Variants in EFCAB6 observed in about 807,000 individuals in gnomAD.
EFCAB6 encodes EF-hand calcium-binding domain-containing protein 6.
Under a neutral mutation model 169.8 loss-of-function variants are expected in EFCAB6, and 156 were observed. That is an observed-to-expected ratio of 0.92 (90% CI 0.81 to 1.05). The LOEUF (loss-of-function observed/expected upper bound fraction) is 1.05. Ranked by LOEUF, EFCAB6 falls within the 50% of genes least tolerant of loss-of-function variation. The pLI is 0.00. For missense variants in EFCAB6, 1,800 were observed against 1,829.1 expected, an observed-to-expected ratio of 0.98 and a Z score of 0.29; for synonymous variants, 698 against 676.4, an observed-to-expected ratio of 1.03 and a Z score of -0.50.
At chr22:43,544,299 C>T (rs1411371876) in intron 27 of EFCAB6, among the ~76,000 whole-genome samples, 1 of 152,194 alleles carries the variant, frequency 6.6e-6, no homozygotes, top group Non-Finnish European at 1.5e-5. Flanking sequence ...ATTGACTGCA[C>T]CTATGCTCCC....
At chr22:43,677,344 C>T (rs754662920) in intron 13 of EFCAB6, among the ~76,000 whole-genome samples, 1 of 152,128 alleles carries the variant, frequency 6.6e-6, no homozygotes. Context: ...CTCACAAATA[C>T]TCCTTTCAAA....
chr22:43,562,183 T>C (rs1236370486), intron 26 of EFCAB6, among the ~76,000 whole-genome samples: 1 of 152,230 alleles, frequency 6.6e-6, no homozygotes, highest in Non-Finnish European at 1.5e-5. Context: ...TCATGGGACC[T>C]TGTTTGAGCA....
chr22:43,741,800 G>A (rs561597235), intron 6 of EFCAB6, among the ~76,000 whole-genome samples: 1 of 152,198 alleles, frequency 6.6e-6, no homozygotes, highest in East Asian at 1.9e-4. Flanking sequence ...CCTCCATCCA[G>A]CCACGGGCAG....
At chr22:43,615,772 T>C in intron 21 of EFCAB6, 54 bp downstream of exon 21, 2 of 1,495,146 alleles carry the variant, frequency 1.3e-6, no homozygotes, top group Admixed American at 3.6e-5. Context: ...CCCAGTGATC[T>C]TGAAACATTG....
At position 43,667,261 on chromosome 22, in the gene EFCAB6, G is replaced by T; in HGVS notation, c.1826C>A (p.Thr609Lys). The T allele has an allele frequency of 6.2e-7, 1 of 1,613,170 alleles. No homozygotes were observed. Among genetic ancestry groups the T allele is most frequent in the South Asian group, 1.1e-5 (1 of 90,932 alleles). The change falls in exon 17 of 32, where the codon ACG becomes AAG. Residue 609 changes from threonine (T) to lysine (K), a missense_variant. Coordinates refer to ENST00000262726, the MANE Select transcript of EFCAB6 (RefSeq NM_022785.4). The part of the protein sequence containing the change: ...QPDLSERTKL[T>K]EDKTTLTKKM... ...CTTGGTCAGGGTGGTTTTATCCTCCGTGAGCTTGGTTCTAAAATCACAAGC... is the reference window on the plus strand; with the variant it reads ...CTTGGTCAGGGTGGTTTTATCCTCCTTGAGCTTGGTTCTAAAATCACAAGC...
chr22:43,596,735 A>T (rs1377279582), intron 23 of EFCAB6, among the ~76,000 whole-genome samples: 1 of 152,214 alleles, frequency 6.6e-6, no homozygotes, highest in Non-Finnish European at 1.5e-5. Context: ...TTCTTCACAG[A>T]AATAGAAAAA....
intron 22 of EFCAB6, among the ~76,000 whole-genome samples, chr22:43,605,241 C>A (rs2052826960): frequency 6.6e-6 from 1 of 152,196 alleles, no homozygotes; most frequent in Non-Finnish European, 1.5e-5. Flanking sequence ...GTAGGCCAAG[C>A]TAACTATGGG....
chr22:43,709,504 T>G (rs1325438433), intron 10 of EFCAB6, among the ~76,000 whole-genome samples: 4 of 152,156 alleles, frequency 2.6e-5, no homozygotes, highest in African/African-American at 9.7e-5. Flanking sequence ...GAAGCCAACA[T>G]GAAAAATGTC....
In EFCAB6 at chr22:43,751,908, G is replaced by A. The variant is rs76851505; in HGVS notation, c.507+3858C>T. ...CATGGGGTTCACCTGGGAATTAAATGCCTTAATGCGATAAAGCACTTAGAA... is the reference window on the plus strand; with the variant it reads ...CATGGGGTTCACCTGGGAATTAAATACCTTAATGCGATAAAGCACTTAGAA... On this transcript the variant is annotated intron_variant, in intron 6 of 31. Coordinates refer to ENST00000262726, the MANE Select transcript of EFCAB6 (RefSeq NM_022785.4). Among the ~76,000 whole-genome samples, 1,066 of 152,268 alleles carry A rather than the reference G, an allele frequency of 7.0e-3. 8 individuals are homozygous for A. The highest frequency in any genetic ancestry group is 8.6e-3 in the Non-Finnish European group (588 of 68,034).
chr22:43,734,981 G>A (rs2147659313), intron 7 of EFCAB6, among the ~76,000 whole-genome samples: 1 of 152,280 alleles, frequency 6.6e-6, no homozygotes, highest in Non-Finnish European at 1.5e-5. Flanking sequence ...TGGGCTCCGG[G>A]TGAAATGAGG....
chr22:43,596,780 C>T (rs2147479876), intron 23 of EFCAB6, among the ~76,000 whole-genome samples: 1 of 152,130 alleles, frequency 6.6e-6, no homozygotes, highest in East Asian at 1.9e-4. Context: ...CACAAAAGAC[C>T]CCAAATAGCT....
At chr22:43,718,832 T>C (rs2059423770) in intron 8 of EFCAB6, among the ~76,000 whole-genome samples, 1 of 152,116 alleles carries the variant, frequency 6.6e-6, no homozygotes, top group Non-Finnish European at 1.5e-5. Context: ...TGGTCTGGAA[T>C]TCTACAGCCA....
intron 6 of EFCAB6, 43 bp from the exon 7 acceptor site, chr22:43,736,036 G>A: frequency 6.5e-7 from 1 of 1,530,686 alleles, no homozygotes; most frequent in Non-Finnish European, 8.8e-7. Flanking sequence ...AAGATCTAGT[G>A]TTAGGAACCA....
At chr22:43,680,325 TCA>T (rs1003895459) in intron 12 of EFCAB6, among the ~76,000 whole-genome samples, 1 of 152,230 alleles carries the variant, frequency 6.6e-6, no homozygotes, top group Admixed American at 6.5e-5. Flanking sequence ...CAAACCAGTA[TCA>T]CACAGTCTTT....
chr22:43,664,834 C>T (rs1255684991), intron 17 of EFCAB6, among the ~76,000 whole-genome samples: 5 of 152,052 alleles, frequency 3.3e-5, no homozygotes, highest in Admixed American at 1.3e-4. Context: ...GAGGAGCCCT[C>T]GGTGGGTTCC....
intron 10 of EFCAB6, among the ~76,000 whole-genome samples, chr22:43,700,383 A>C (rs1230185899): frequency 6.6e-6 from 1 of 152,222 alleles, no homozygotes; most frequent in Non-Finnish European, 1.5e-5. Flanking sequence ...TTTGTTAGGC[A>C]TAAGATTTTA....
chr22:43,530,662 G>C (rs539587665), intron 31 of EFCAB6, 153 bp downstream of exon 31: 1 of 985,316 alleles, frequency 1.0e-6, no homozygotes, highest in Admixed American at 6.1e-5. Flanking sequence ...CCCAGGACTG[G>C]ATAACTTGGG....
At chr22:43,711,113 T>C (rs890768608) in intron 10 of EFCAB6, among the ~76,000 whole-genome samples, 4 of 150,882 alleles carry the variant, frequency 2.7e-5, no homozygotes, top group Admixed American at 2.6e-4. Context: ...TGGATATTTA[T>C]TAATATGATT....
rs181645385 is a variant in EFCAB6, at chr22:43,752,732, G to C, written c.507+3034C>G. ...GTGCTGGCAACCTCCTGGTAACCAG[G>C]AAGAGAGGTAGGTGTGTTAGTCAGT... On this transcript the variant is annotated intron_variant, in intron 6 of 31. Transcript: ENST00000262726. 4.2e-4 allele frequency among the ~76,000 whole-genome samples: 64 copies of C among 152,276 alleles called. 1 individual carries two copies. The highest frequency in any genetic ancestry group is 3.9e-3 in the Admixed American group (60 of 15,308).
Sources: allele counts gnomAD v4.1 joint callset (sites outside exome capture counted in the v4.1 genomes callset), GRCh38; gene constraint gnomAD v4.1.1; transcripts MANE v1.5; gene names NCBI Gene and HGNC (gene_info 2026-07-23, HGNC 2026-07-21).